PAPSS1: variants seen among roughly 807,000 people sequenced by gnomAD.
PAPSS1 encodes 3'-phosphoadenosine 5'-phosphosulfate synthase 1.
Under a neutral mutation model 72.0 loss-of-function variants are expected in PAPSS1, and 50 were observed. The observed-to-expected ratio is 0.69, with a 90% CI of 0.55 to 0.88. The LOEUF is 0.88. PAPSS1 is among the 40% of genes least tolerant of loss of function. PAPSS1 has a pLI of 0.00. For synonymous variants in PAPSS1, 261 were observed against 263.6 expected, an observed-to-expected ratio of 0.99 and a Z score of 0.09; for missense variants, 657 against 782.2, an observed-to-expected ratio of 0.84 and a Z score of 1.91.
At position 107,652,223 on chromosome 4, in the gene PAPSS1, G is replaced by A. The variant is rs564770428; in HGVS notation, c.1237+1268C>T. On this transcript the variant is annotated intron_variant, in intron 9 of 11. Transcript: ENST00000265174. Reference sequence around the variant, plus strand: ...TAAAAGAGAGCAGCACCAGTGCTTAGGGCCAAACCATCTCTGCAGTGGGTG... The same window carrying A: ...TAAAAGAGAGCAGCACCAGTGCTTAAGGCCAAACCATCTCTGCAGTGGGTG... Among the ~76,000 whole-genome samples the A allele has an allele frequency of 2.0e-5, 3 of 152,310 alleles. No homozygotes were observed. The South Asian group carries it at 6.2e-4, about 32-fold the overall frequency.
chr4:107,683,674 A>G (rs1397161526), intron 4 of PAPSS1, among the ~76,000 whole-genome samples: 2 of 152,228 alleles, frequency 1.3e-5, no homozygotes, highest in Non-Finnish European at 2.9e-5. Context: ...GCAGGTAATA[A>G]AAACTATCTT....
At chr4:107,703,158 T>C (rs567538345) in intron 1 of PAPSS1, among the ~76,000 whole-genome samples, 2 of 152,364 alleles carry the variant, frequency 1.3e-5, no homozygotes, top group South Asian at 4.1e-4. Context: ...TATTTGTCTA[T>C]CTTCCTTTTA....
intron 4 of PAPSS1, among the ~76,000 whole-genome samples, chr4:107,685,882 A>T (rs1321847913): frequency 6.6e-6 from 1 of 152,248 alleles, no homozygotes; most frequent in Non-Finnish European, 1.5e-5. Flanking sequence ...TTTCTGTGAC[A>T]GTCTCAGGTT....
rs142036191 is a variant in PAPSS1, at chr4:107,658,451, T to C, written c.784-1444A>G. 2.0e-5 allele frequency among the ~76,000 whole-genome samples: 3 copies of C among 152,136 alleles called. No individual in the cohort carries two copies. The East Asian group carries it at 5.8e-4, about 29-fold the overall frequency. ...AGTACTCTTCATTTTACAAAGACTA[T>C]TATTTCTTGAACTTTGAGATTTCTA... is the stretch of plus-strand genomic sequence containing the variant. On this transcript the variant is annotated intron_variant, in intron 6 of 11. Coordinates refer to ENST00000265174, the MANE Select transcript of PAPSS1 (RefSeq NM_005443.5).
chr4:107,649,024 A>G (rs1345583254), intron 9 of PAPSS1, among the ~76,000 whole-genome samples: 1 of 152,222 alleles, frequency 6.6e-6, no homozygotes, highest in Non-Finnish European at 1.5e-5. Flanking sequence ...ATGACTAAAA[A>G]CACTTCCAAA....
Position 107,689,100 on chromosome 4 carries a change from T to C in PAPSS1, c.412-1923A>G, listed in dbSNP as rs114504918. On this transcript the variant is annotated intron_variant, in intron 3 of 11. Coordinates refer to ENST00000265174, the MANE Select transcript of PAPSS1 (RefSeq NM_005443.5). ...CTCTTGTCTGAACGGCCTCAACATA[T>C]TACAGGTCTTCTGGCTTCTAACTCG... is the stretch of plus-strand genomic sequence containing the variant. Among the ~76,000 whole-genome samples the C allele has an allele frequency of 6.2e-3, 946 of 152,270 alleles. 13 individuals carry two copies. Among genetic ancestry groups the C allele is most frequent in the African/African-American group, 0.02 (851 of 41,554 alleles).
chr4:107,617,225 CA>C, intron 11 of PAPSS1, among the ~76,000 whole-genome samples: 1 of 111,796 alleles, frequency 8.9e-6, no homozygotes, highest in African/African-American at 3.2e-5. Context: ...TTTTTTTTTT[CA>C]CCACCGGCCT....
chr4:107,626,562 C>A (rs1452554181), intron 11 of PAPSS1, among the ~76,000 whole-genome samples: 1 of 152,186 alleles, frequency 6.6e-6, no homozygotes, highest in African/African-American at 2.4e-5. Flanking sequence ...TAAATATAAA[C>A]AGATGATTTT....
At chr4:107,674,877 A>T (rs1185084281) in intron 5 of PAPSS1, among the ~76,000 whole-genome samples, 4 of 152,164 alleles carry the variant, frequency 2.6e-5, no homozygotes, top group African/African-American at 9.7e-5. Flanking sequence ...GGATTAAGAA[A>T]CTCACTCAAA....
chr4:107,708,635 A>G (rs1156269465), intron 1 of PAPSS1, among the ~76,000 whole-genome samples: 1 of 152,250 alleles, frequency 6.6e-6, no homozygotes, highest in Non-Finnish European at 1.5e-5. Context: ...GAGAAAAAAT[A>G]CAGACAGGGT....
chr4:107,707,815 G>A (rs574918426), intron 1 of PAPSS1, among the ~76,000 whole-genome samples: 1 of 152,286 alleles, frequency 6.6e-6, no homozygotes, highest in Admixed American at 6.5e-5. Context: ...CAAGCACTGG[G>A]AAGTCCCATT....
At chr4:107,666,751 C>T (rs1194646786) in intron 5 of PAPSS1, among the ~76,000 whole-genome samples, 1 of 152,192 alleles carries the variant, frequency 6.6e-6, no homozygotes, top group Non-Finnish European at 1.5e-5. Flanking sequence ...CAGATAAAAG[C>T]AAACTCTACT....
intron 1 of PAPSS1, among the ~76,000 whole-genome samples, chr4:107,702,319 A>C (rs756204258): frequency 6.6e-6 from 1 of 152,252 alleles, no homozygotes; most frequent in Non-Finnish European, 1.5e-5. Flanking sequence ...CCATGCCTAC[A>C]TTATACTCAC....
At chr4:107,684,016 T>TCAGGGGAATGTAGTCAACAA (rs1450897550) in intron 4 of PAPSS1, among the ~76,000 whole-genome samples, 3 of 152,078 alleles carry the variant, frequency 2.0e-5, no homozygotes, top group African/African-American at 4.8e-5. Flanking sequence ...CAACCTCTAC[T>TCAGGGGAATGTAGTCAACAA]CAGGGGAATG....
chr4:107,702,165 T>A (rs965619490), intron 1 of PAPSS1, among the ~76,000 whole-genome samples: 1 of 152,140 alleles, frequency 6.6e-6, no homozygotes, highest in African/African-American at 2.4e-5. Context: ...ATAGCTGTAA[T>A]AAAGACAGAT....
At chr4:107,673,980 A>T (rs527373722) in intron 5 of PAPSS1, among the ~76,000 whole-genome samples, 2 of 152,240 alleles carry the variant, frequency 1.3e-5, no homozygotes, top group Non-Finnish European at 2.9e-5. Context: ...TAAAATCCTT[A>T]ACAGACAAGC....
intron 2 of PAPSS1, among the ~76,000 whole-genome samples, chr4:107,698,981 G>A (rs553425535): frequency 4.6e-5 from 7 of 152,006 alleles, no homozygotes; most frequent in South Asian, 4.2e-4. Flanking sequence ...TAGCCATCCC[G>A]TCCCAATTGA....
chr4:107,699,343 C>T (rs552732282), intron 2 of PAPSS1, among the ~76,000 whole-genome samples: 51 of 151,788 alleles, frequency 3.4e-4, no homozygotes, highest in African/African-American at 1.1e-3. Context: ...GGACTTACTC[C>T]ACTGTCCTTC....
At chr4:107,718,367 AG>A (rs1448233169) in intron 1 of PAPSS1, 2 of 152,212 alleles carry the variant, frequency 1.3e-5, no homozygotes. Context: ...AAAACTCTCC[AG>A]GGCAGTCAAA....
Sources: allele counts gnomAD v4.1 joint callset (sites outside exome capture counted in the v4.1 genomes callset), GRCh38; gene constraint gnomAD v4.1.1; transcripts MANE v1.5; gene names NCBI Gene and HGNC (gene_info 2026-07-23, HGNC 2026-07-21).